The following SHISA9 variants were observed in gnomAD, a reference collection of about 807,000 sequenced individuals.
The protein encoded by SHISA9 is shisa family member 9, also known as protein shisa-9.
A neutral mutation model predicts 38.0 loss-of-function variants in SHISA9; 13 were observed. That is an observed-to-expected ratio of 0.34 (90% CI 0.22 to 0.54). The LOEUF is 0.54. Ranked by LOEUF, SHISA9 falls within the 20% of genes least tolerant of loss-of-function variation. The pLI is 0.91. For synonymous variants in SHISA9, 275 were observed against 242.0 expected (o/e 1.14, Z -1.27); for missense variants, 538 against 575.8 (o/e 0.93, Z 0.67).
intron 1 of SHISA9, among the ~76,000 whole-genome samples, chr16:12,906,508 T>C (rs796384544): frequency 5.9e-5 from 9 of 152,164 alleles, no homozygotes; most frequent in African/African-American, 1.4e-4. Context: ...CAAATGCCCA[T>C]TGAGCAGCTG....
At chr16:13,270,311 G>A in the SHISA9 span, among the ~76,000 whole-genome samples, 2 of 152,114 alleles carry the variant, frequency 1.3e-5, no homozygotes, top group African/African-American at 2.4e-5. Context: ...AGGAGTTGGG[G>A]GCGAGGGGCA....
At chr16:13,534,168 A>G in the SHISA9 span, among the ~76,000 whole-genome samples, 1 of 151,138 alleles carries the variant, frequency 6.6e-6, no homozygotes, top group Non-Finnish European at 1.5e-5. Flanking sequence ...TTACAACACA[A>G]TGCCCCACAT....
At position 12,960,494 on chromosome 16, in the gene SHISA9, T is replaced by G. The variant is rs956426554; in HGVS notation, c.691+43679T>G. On this transcript the variant is annotated intron_variant, in intron 2 of 4. Transcript: ENST00000558583. The stretch of plus-strand genomic sequence containing the variant: ...ATGTTCATTGCAGCAATATTCACAA[T>G]AGCAAAGACATGGAATCAACCCAAA... Among the ~76,000 whole-genome samples, 11 of 152,158 alleles carry G rather than the reference T, an allele frequency of 7.2e-5. No individual in the cohort carries two copies. The East Asian group carries it at 2.1e-3, about 29-fold the overall frequency.
intron 3 of SHISA9, 138 bp downstream of exon 3, chr16:13,203,687 G>T: frequency 1.1e-6 from 1 of 912,570 alleles, no homozygotes. Flanking sequence ...GCTTTTCTCT[G>T]CCTCTATCTC....
intron 2 of SHISA9, among the ~76,000 whole-genome samples, chr16:13,013,526 G>T (rs1429442041): frequency 1.3e-5 from 2 of 152,106 alleles, no homozygotes; most frequent in Non-Finnish European, 2.9e-5. Flanking sequence ...AGTTTGCTCA[G>T]CCCATGCCCC....
At chr16:12,928,107 A>C (rs988910887) in intron 2 of SHISA9, among the ~76,000 whole-genome samples, 1 of 152,200 alleles carries the variant, frequency 6.6e-6, no homozygotes, top group Non-Finnish European at 1.5e-5. Flanking sequence ...ATAAAAGACA[A>C]AGCCTAAGTT....
chr16:13,513,711 T>C, the SHISA9 span, among the ~76,000 whole-genome samples: 1 of 152,164 alleles, frequency 6.6e-6, no homozygotes, highest in Non-Finnish European at 1.5e-5. Context: ...GTAGAAGCCA[T>C]GATCCTCAGC....
chr16:13,119,456 C>G (rs1481758922), intron 2 of SHISA9, among the ~76,000 whole-genome samples: 1 of 152,126 alleles, frequency 6.6e-6, no homozygotes, highest in Admixed American at 6.5e-5. Context: ...CACATTTCCA[C>G]TTGTTGATCT....
the SHISA9 span, among the ~76,000 whole-genome samples, chr16:13,300,621 C>T: frequency 2.0e-5 from 3 of 152,118 alleles, no homozygotes; most frequent in Non-Finnish European, 2.9e-5. Context: ...TCAATTGAGT[C>T]CTGAAAATCA....
the SHISA9 span, among the ~76,000 whole-genome samples, chr16:13,327,854 T>C: frequency 2.0e-5 from 3 of 151,916 alleles, no homozygotes; most frequent in Admixed American, 6.5e-5. Context: ...AGACAGGGTT[T>C]CTCCATGTTG....
the SHISA9 span, among the ~76,000 whole-genome samples, chr16:13,561,215 C>T: frequency 6.6e-6 from 1 of 152,100 alleles, no homozygotes; most frequent in Admixed American, 6.5e-5. Context: ...GAAATGTGCA[C>T]TCAATGAACC....
the SHISA9 span, among the ~76,000 whole-genome samples, chr16:13,496,530 T>G: frequency 6.6e-6 from 1 of 152,116 alleles, no homozygotes; most frequent in African/African-American, 2.4e-5. Flanking sequence ...CTATTATTTA[T>G]TACCATTATG....
the SHISA9 span, among the ~76,000 whole-genome samples, chr16:13,294,718 C>T: frequency 6.6e-6 from 1 of 152,186 alleles, no homozygotes; most frequent in South Asian, 2.1e-4. Context: ...ACTGTATCTT[C>T]ATTGGAGAGC....
At chr16:13,482,388 G>C in the SHISA9 span, among the ~76,000 whole-genome samples, 5 of 152,196 alleles carry the variant, frequency 3.3e-5, no homozygotes, top group Admixed American at 6.5e-5. Flanking sequence ...TATTACCCCA[G>C]CGGTATTCAC....
At chr16:13,020,941 C>T (rs77069852) in intron 2 of SHISA9, among the ~76,000 whole-genome samples, 6,072 of 152,278 alleles carry the variant, frequency 0.04, 205 homozygotes, top group South Asian at 0.082. Flanking sequence ...CATAATATCT[C>T]CCCAGTCCCG....
the SHISA9 span, among the ~76,000 whole-genome samples, chr16:13,424,754 G>A: frequency 6.6e-6 from 1 of 152,186 alleles, no homozygotes; most frequent in East Asian, 1.9e-4. Flanking sequence ...AATCGGCATG[G>A]CTATGTCTCG....
chr16:13,313,728 A>G, the SHISA9 span, among the ~76,000 whole-genome samples: 5 of 152,262 alleles, frequency 3.3e-5, no homozygotes, highest in African/African-American at 9.6e-5. Flanking sequence ...TAGCAAGTAT[A>G]TAAAAATGAA....
intron 2 of SHISA9, among the ~76,000 whole-genome samples, chr16:13,064,091 G>A (rs536799133): frequency 6.6e-6 from 1 of 152,204 alleles, no homozygotes; most frequent in East Asian, 1.9e-4. Flanking sequence ...GGGTTTTTGA[G>A]ATGGAGTCTC....
the SHISA9 span, chr16:13,458,422 A>G: frequency 5.1e-6 from 2 of 395,102 alleles, no homozygotes; most frequent in East Asian, 7.8e-5. Context: ...AGGGTCAAGC[A>G]TTACTGAAAA....
Sources: allele counts gnomAD v4.1 joint callset (sites outside exome capture counted in the v4.1 genomes callset), GRCh38; gene constraint gnomAD v4.1.1; transcripts MANE v1.5; gene names NCBI Gene and HGNC (gene_info 2026-07-23, HGNC 2026-07-21).